The following ADGRA3 variants were observed in gnomAD, a reference collection of about 807,000 sequenced individuals.
ADGRA3 encodes the protein adhesion G protein-coupled receptor A3.
Under a neutral mutation model 119.8 loss-of-function variants are expected in ADGRA3, and 56 were observed. The ratio of observed to expected loss-of-function variants is 0.47; its 90% confidence interval spans 0.38 to 0.58. The LOEUF (loss-of-function observed/expected upper bound fraction) is 0.58. ADGRA3 is among the 20% of genes least tolerant of loss of function. The probability of loss-of-function intolerance (pLI) is 0.00; values close to 1 mark genes in which losing one functional copy is unlikely to be tolerated. For missense variants in ADGRA3, 1,516 were observed against 1,649.0 expected, an observed-to-expected ratio of 0.92 and a Z score of 1.40; for synonymous variants, 607 against 623.8, an observed-to-expected ratio of 0.97 and a Z score of 0.40.
At chr4:22,475,766 ATT>A (rs1718022035) in intron 1 of ADGRA3, among the ~76,000 whole-genome samples, 1 of 151,866 alleles carries the variant, frequency 6.6e-6, no homozygotes, top group African/African-American at 2.4e-5. Context: ...AGAATGACAC[ATT>A]GGACTTCGAG....
chr4:22,389,788 A>C (rs1021735093), intron 17 of ADGRA3, among the ~76,000 whole-genome samples: 1 of 152,062 alleles, frequency 6.6e-6, no homozygotes, highest in South Asian at 2.1e-4. Flanking sequence ...GGTGCAATAA[A>C]AACTGATTGA....
intron 3 of ADGRA3, chr4:22,455,863 GA>G: frequency 7.9e-7 from 1 of 1,268,432 alleles, no homozygotes; most frequent in Non-Finnish European, 1.0e-6. Flanking sequence ...CCCTATGCAA[GA>G]AAACCCTAAA....
chr4:22,493,816 G>C (rs748824945), intron 1 of ADGRA3, among the ~76,000 whole-genome samples: 1 of 152,038 alleles, frequency 6.6e-6, no homozygotes, highest in African/African-American at 2.4e-5. Flanking sequence ...AAAAAAGGTC[G>C]GCATAAGATA....
intron 12 of ADGRA3, among the ~76,000 whole-genome samples, chr4:22,418,612 G>A (rs988945855): frequency 3.3e-5 from 5 of 152,058 alleles, no homozygotes; most frequent in Non-Finnish European, 7.4e-5. Flanking sequence ...GAGGGAAGAC[G>A]TCAAATGATA....
chr4:22,501,024 C>G (rs1249039831), intron 1 of ADGRA3, among the ~76,000 whole-genome samples: 1 of 152,092 alleles, frequency 6.6e-6, no homozygotes, highest in Non-Finnish European at 1.5e-5. Flanking sequence ...GGACTAACAC[C>G]CTCCCGTCCA....
At chr4:22,502,976 G>A (rs1560350102) in intron 1 of ADGRA3, among the ~76,000 whole-genome samples, 2 of 151,778 alleles carry the variant, frequency 1.3e-5, no homozygotes, top group Admixed American at 6.6e-5. Flanking sequence ...CTAGACTCTA[G>A]GGATGCAGAG....
At chr4:22,389,369 A>G (rs1035089570) in intron 17 of ADGRA3, among the ~76,000 whole-genome samples, 186 bp from the exon 18 acceptor site, 2 of 152,102 alleles carry the variant, frequency 1.3e-5, no homozygotes, top group Non-Finnish European at 2.9e-5. Context: ...TTTGTTTTTT[A>G]GATTTCTTGT....
chr4:22,467,495 G>A (rs13109271), intron 2 of ADGRA3, among the ~76,000 whole-genome samples: 81,758 of 151,972 alleles, frequency 0.54, 22,973 homozygotes, highest in East Asian at 0.69. Context: ...AAAAACACAC[G>A]TTTCCCTTTT....
At chr4:22,488,030 G>A (rs717674) in intron 1 of ADGRA3, among the ~76,000 whole-genome samples, 3 of 152,066 alleles carry the variant, frequency 2.0e-5, no homozygotes, top group Non-Finnish European at 2.9e-5. Flanking sequence ...TAGTATAAAC[G>A]TAAGTGACAA....
chr4:22,504,070 C>G (rs61793417), intron 1 of ADGRA3, among the ~76,000 whole-genome samples: 9,423 of 152,006 alleles, frequency 0.062, 515 homozygotes, highest in African/African-American at 0.15. Context: ...TAGAATGAAG[C>G]CTAAATTGTC....
chr4:22,406,048 G>T (rs900027542), intron 14 of ADGRA3, among the ~76,000 whole-genome samples: 1 of 152,006 alleles, frequency 6.6e-6, no homozygotes, highest in Non-Finnish European at 1.5e-5. Flanking sequence ...TCCCACATAT[G>T]AGTGAAAACA....
chr4:22,505,560 C>T (rs1327149768), intron 1 of ADGRA3, among the ~76,000 whole-genome samples: 5 of 150,114 alleles, frequency 3.3e-5, no homozygotes, highest in Non-Finnish European at 5.9e-5. Context: ...GGCAGGAGAA[C>T]GGTTTGAGCC....
chr4:22,396,493 G>A (rs1242882066), intron 16 of ADGRA3, among the ~76,000 whole-genome samples: 3 of 152,108 alleles, frequency 2.0e-5, no homozygotes, highest in Non-Finnish European at 2.9e-5. Context: ...TAGAAGAAAC[G>A]TTAAGCCCCT....
At chr4:22,471,243 T>C (rs1025927602) in intron 2 of ADGRA3, among the ~76,000 whole-genome samples, 4 of 151,812 alleles carry the variant, frequency 2.6e-5, no homozygotes, top group South Asian at 2.1e-4. Flanking sequence ...TTCCCACTTA[T>C]AAGGGGGAGC....
chr4:22,509,039 C>T (rs543336742), intron 1 of ADGRA3, among the ~76,000 whole-genome samples: 2 of 152,076 alleles, frequency 1.3e-5, no homozygotes, highest in African/African-American at 4.8e-5. Flanking sequence ...TGCTGAACCC[C>T]TACCCACTCC....
intron 9 of ADGRA3, among the ~76,000 whole-genome samples, chr4:22,435,933 G>A (rs1196724020): frequency 2.0e-5 from 3 of 152,022 alleles, no homozygotes; most frequent in Non-Finnish European, 2.9e-5. Flanking sequence ...ACTCTAACAC[G>A]GACTTAGCAC....
At chr4:22,455,675 C>A in intron 3 of ADGRA3, 1 of 320,566 alleles carries the variant, frequency 3.1e-6, no homozygotes, top group Admixed American at 4.2e-5. Context: ...TTGTTCTATC[C>A]CTCTTTATTT....
rs59015584 is a variant in ADGRA3, at chr4:22,513,845, C to CAAA, written c.257+1680_257+1682dup. ...TATTTTCATCTAAAAAGCTTTCAGG[C>CAAA]AAAAAAAAAAAAAAAAAAAAAAAAA... On this transcript the variant is annotated intron_variant, in intron 1 of 18. Transcript: ENST00000334304. Among the ~76,000 whole-genome samples, 85 of 31,474 alleles carry CAAA rather than the reference C, an allele frequency of 2.7e-3. 9 individuals are homozygous for CAAA. The highest frequency in any genetic ancestry group is 6.4e-3 in the African/African-American group (65 of 10,140). The allele number at this position is 31,474 out of a possible 152,430, so 20.6% of individuals were successfully genotyped here.
intron 1 of ADGRA3, among the ~76,000 whole-genome samples, chr4:22,506,165 G>C (rs1196138593): frequency 6.6e-6 from 1 of 152,128 alleles, no homozygotes; most frequent in African/African-American, 2.4e-5. Flanking sequence ...GAAGGTGCTG[G>C]AGTATTTTTC....
Sources: gnomAD v4.1 joint callset for allele counts (sites outside exome capture counted in the v4.1 genomes callset) on GRCh38, gnomAD v4.1.1 for gene constraint, MANE v1.5 for transcripts, NCBI Gene and HGNC (gene_info 2026-07-23, HGNC 2026-07-21) for gene names.